NALCN: variants seen among roughly 807,000 people sequenced by gnomAD.
The protein encoded by NALCN is sodium leak channel NALCN.
NALCN carries 111 observed loss-of-function variants against 225.3 expected under a neutral mutation model. The ratio of observed to expected loss-of-function variants is 0.49; its 90% confidence interval spans 0.42 to 0.58. The LOEUF (loss-of-function observed/expected upper bound fraction) is 0.58. Ranked by LOEUF, NALCN falls within the 20% of genes least tolerant of loss-of-function variation. The probability of loss-of-function intolerance (pLI) is 0.00; values close to 1 mark genes in which losing one functional copy is unlikely to be tolerated. For synonymous variants in NALCN, 764 were observed against 769.0 expected, an observed-to-expected ratio of 0.99 and a Z score of 0.11; for missense variants, 1,378 against 2,202.4, an observed-to-expected ratio of 0.63 and a Z score of 7.49.
intron 1 of NALCN, among the ~76,000 whole-genome samples, chr13:101,408,434 T>G (rs1019994051): frequency 6.6e-6 from 1 of 151,826 alleles, no homozygotes; most frequent in Non-Finnish European, 1.5e-5. Context: ...TAGCCTGGAG[T>G]CCTGCGTCTC....
At chr13:101,322,379 C>G (rs551040211) in intron 7 of NALCN, among the ~76,000 whole-genome samples, 1 of 152,190 alleles carries the variant, frequency 6.6e-6, no homozygotes, top group Non-Finnish European at 1.5e-5. Flanking sequence ...CATACACATG[C>G]TAGGCTAAGC....
chr13:101,269,814 C>G (rs1266694661), intron 10 of NALCN, among the ~76,000 whole-genome samples: 1 of 152,172 alleles, frequency 6.6e-6, no homozygotes, highest in Non-Finnish European at 1.5e-5. Context: ...TCATGACCCT[C>G]TGATTCTGAC....
chr13:101,187,745 T>C (rs1038236634), intron 14 of NALCN, among the ~76,000 whole-genome samples: 1 of 152,170 alleles, frequency 6.6e-6, no homozygotes, highest in Non-Finnish European at 1.5e-5. Flanking sequence ...AGTGAGAGTG[T>C]AAGAACACAG....
chr13:101,092,973 A>G (rs1179112628), intron 28 of NALCN, among the ~76,000 whole-genome samples: 1 of 152,172 alleles, frequency 6.6e-6, no homozygotes, highest in African/African-American at 2.4e-5. Flanking sequence ...CCTAAGGGGT[A>G]GGGGCCATCG....
At chr13:101,306,392 G>A (rs866337106) in intron 7 of NALCN, among the ~76,000 whole-genome samples, 3 of 152,146 alleles carry the variant, frequency 2.0e-5, no homozygotes, top group Admixed American at 6.5e-5. Context: ...CTCCCACGTC[G>A]GTCCTCAGAA....
intron 18 of NALCN, among the ~76,000 whole-genome samples, chr13:101,117,590 G>T (rs2139673204): frequency 6.6e-6 from 1 of 152,314 alleles, no homozygotes; most frequent in Admixed American, 6.5e-5. Flanking sequence ...ATCTTTCCCA[G>T]AATGCCATAT....
chr13:101,178,803 C>A (rs912899930), intron 14 of NALCN, among the ~76,000 whole-genome samples: 1 of 152,164 alleles, frequency 6.6e-6, no homozygotes, highest in South Asian at 2.1e-4. Flanking sequence ...CTTGAGAACA[C>A]GTATGGAAAG....
At chr13:101,313,129 A>G (rs2044414740) in intron 7 of NALCN, among the ~76,000 whole-genome samples, 1 of 152,202 alleles carries the variant, frequency 6.6e-6, no homozygotes, top group South Asian at 2.1e-4. Flanking sequence ...GGCTAGCCAT[A>G]TGTAGAAAGC....
intron 18 of NALCN, among the ~76,000 whole-genome samples, chr13:101,114,621 T>G (rs1215398581): frequency 6.6e-6 from 1 of 152,154 alleles, no homozygotes; most frequent in Non-Finnish European, 1.5e-5. Context: ...ACCATGCGAT[T>G]GAGTGGGGCT....
chr13:101,379,862 C>A (rs2046800513), intron 3 of NALCN, among the ~76,000 whole-genome samples: 1 of 151,892 alleles, frequency 6.6e-6, no homozygotes, highest in African/African-American at 2.4e-5. Context: ...AAAAAAAGAC[C>A]CAACTATCCT....
Position 101,104,813 on chromosome 13 carries a change from G to T in NALCN, c.2636+81C>A. 1 of 1,566,546 alleles carries T rather than the reference G, an allele frequency of 6.4e-7. No homozygotes were observed. Among genetic ancestry groups the T allele is most frequent in the East Asian group, 2.3e-5 (1 of 44,392 alleles). On this transcript the variant is annotated intron_variant, in intron 23 of 43. Transcript: ENST00000251127. This position sits in a 1 kb window ranked among gnomAD's most constrained non-coding sequence, Gnocchi z 4.2. ...CACTATATAGCAAGAAAATAAAAGA[G>T]AATTTTAATCGTTGTATGCAGCATA...
chr13:101,304,758 C>T (rs374871084), intron 7 of NALCN, among the ~76,000 whole-genome samples: 138 of 122,802 alleles, frequency 1.1e-3, no homozygotes, highest in African/African-American at 3.5e-3. Flanking sequence ...TTTTTCTTTT[C>T]TTTTTTTTTT....
chr13:101,328,877 G>A (rs1310470108), intron 7 of NALCN, among the ~76,000 whole-genome samples: 1 of 152,034 alleles, frequency 6.6e-6, no homozygotes, highest in African/African-American at 2.4e-5. Context: ...CTTTTATCTG[G>A]ATAGGACCAT....
rs200265303 is a variant in NALCN at position 101,107,496 on chromosome 13, C to A, written c.2570G>T (p.Arg857Leu). The A allele has an allele frequency of 2.5e-6, 4 of 1,614,094 alleles. No homozygotes were observed. Among genetic ancestry groups the A allele is most frequent in the Middle Eastern group, 1.7e-4 (1 of 6,050 alleles). The change falls in exon 22 of 44, where the codon CGC becomes CTC. Residue 857 changes from arginine to leucine, a missense_variant. By Grantham distance (102) the Arg-to-Leu change is moderately radical (BLOSUM62 -2). Coordinates refer to ENST00000251127, the MANE Select transcript of NALCN (RefSeq NM_052867.4). ...AATGAAGTGTACTTACGCGTTGAAG[C>A]GTGCTCGGACCACCACCCGGCAAAA... ...RNFCRVVVRA[R>L]FNASKTDPVT...
intron 10 of NALCN, among the ~76,000 whole-genome samples, chr13:101,262,351 G>A (rs1334822440): frequency 6.6e-6 from 1 of 152,134 alleles, no homozygotes; most frequent in Non-Finnish European, 1.5e-5. Flanking sequence ...CCATTCTGGG[G>A]CCCGCTGCCC....
intron 7 of NALCN, among the ~76,000 whole-genome samples, chr13:101,320,544 GT>G (rs1480298696): frequency 1.3e-5 from 2 of 152,108 alleles, no homozygotes; most frequent in African/African-American, 4.8e-5. Context: ...TATAAAGAAG[GT>G]TTTTAAAATA....
chr13:101,301,829 G>T (rs2043983457), intron 7 of NALCN, among the ~76,000 whole-genome samples: 1 of 151,932 alleles, frequency 6.6e-6, no homozygotes, highest in Non-Finnish European at 1.5e-5. Context: ...TTCTTACCTA[G>T]GTAACCTGTG....
chr13:101,342,224 C>T (rs1032081625), intron 7 of NALCN, among the ~76,000 whole-genome samples: 2 of 152,090 alleles, frequency 1.3e-5, no homozygotes, highest in African/African-American at 2.4e-5. Flanking sequence ...ACCTGGAGAG[C>T]CTTTAAAAGC....
intron 7 of NALCN, among the ~76,000 whole-genome samples, chr13:101,334,364 A>AGGG: frequency 1.1e-3 from 142 of 134,398 alleles, no homozygotes; most frequent in African/African-American, 2.2e-3. Flanking sequence ...AGATGGGGGT[A>AGGG]GGGGGAGCGG....
Sources: gnomAD v4.1 joint callset for allele counts (sites outside exome capture counted in the v4.1 genomes callset) on GRCh38, gnomAD v4.1.1 for gene constraint, Gnocchi (gnomAD v3.1) non-coding constraint, MANE v1.5 for transcripts, NCBI Gene and HGNC (gene_info 2026-07-23, HGNC 2026-07-21) for gene names.